The following ANAPC5 variants were observed in gnomAD, a reference collection of about 807,000 sequenced individuals.
ANAPC5 encodes the protein anaphase-promoting complex subunit 5.
A neutral mutation model predicts 91.3 loss-of-function variants in ANAPC5; 60 were observed. The observed-to-expected ratio is 0.66, with a 90% confidence interval of 0.53 to 0.81. The LOEUF (loss-of-function observed/expected upper bound fraction) is 0.81. Among genes scored for constraint, ANAPC5 ranks in the 40% least tolerant of loss-of-function variants. ANAPC5 has a pLI of 0.00. For synonymous variants in ANAPC5, 340 were observed against 364.1 expected, an observed-to-expected ratio of 0.93 and a Z score of 0.75; for missense variants, 690 against 931.5, an observed-to-expected ratio of 0.74 and a Z score of 3.37.
chr12:121,308,322 A>C lies in ANAPC5; in HGVS notation c.*158T>G, dbSNP rs569124210. ...AAAGGGAAGAAAAGGGGAATAAAAC[A>C]AATACGTAGTTACTAGCAACAAAAT... On this transcript the variant is annotated 3_prime_UTR_variant, in exon 17 of 17. Transcript: ENST00000261819. 6 of 626,034 alleles carry C rather than the reference A, an allele frequency of 9.6e-6. No individual in the cohort carries two copies. In the South Asian group the frequency reaches 1.3e-4, roughly 13 times the overall value. 38.8% of individuals were successfully genotyped at this position (626,034 alleles called of 1,614,324 possible).
chr12:121,347,833 A>G lies in ANAPC5; in HGVS notation c.256T>C (p.Cys86Arg). The change falls in exon 2 of 17, where the codon TGT becomes CGT. Residue 86 changes from cysteine (C) to arginine (R), a missense_variant. By Grantham distance (180) the Cys-to-Arg change is radical. This residue lies in a region of ANAPC5 where 238 missense variants were observed against 264.9 expected (regional missense o/e 0.90). Transcript: ENST00000261819. ...TGCACTGAATTTGCCAGCTGTGGAC[A>G]AGACTCTTCAATTAACTTGTAAAGT... Reference protein sequence around the residue: ...SKLYKLIEESCPQLANSVQIR... With the variant: ...SKLYKLIEESRPQLANSVQIR... 2 of 1,613,882 alleles carry G rather than the reference A, an allele frequency of 1.2e-6. No homozygotes were observed. Among genetic ancestry groups the G allele is most frequent in the Non-Finnish European group, 1.7e-6 (2 of 1,179,794 alleles).
intron 11 of ANAPC5, among the ~76,000 whole-genome samples, chr12:121,325,650 T>C (rs1302341653): frequency 3.9e-5 from 6 of 152,070 alleles, no homozygotes; most frequent in African/African-American, 1.4e-4. Context: ...GCGGATCACC[T>C]GAGGCCAGGA....
chr12:121,317,356 C>T (rs914398093), intron 15 of ANAPC5, among the ~76,000 whole-genome samples: 3 of 151,208 alleles, frequency 2.0e-5, no homozygotes, highest in African/African-American at 7.3e-5. Context: ...CAGGGTCAAG[C>T]GATTCTCCTG....
intron 11 of ANAPC5, among the ~76,000 whole-genome samples, chr12:121,326,082 T>C (rs1358666972): frequency 6.6e-6 from 1 of 152,050 alleles, no homozygotes; most frequent in East Asian, 1.9e-4. Flanking sequence ...TTCCCAGACA[T>C]GGGAAGAAAC....
chr12:121,324,382 T>C (rs553702841), intron 11 of ANAPC5, among the ~76,000 whole-genome samples: 19 of 152,088 alleles, frequency 1.2e-4, no homozygotes, highest in Non-Finnish European at 2.6e-4. Flanking sequence ...AGCTACCTTC[T>C]AGTTGTGTAC....
chr12:121,330,469 C>A, intron 9 of ANAPC5, 114 bp downstream of exon 9: 1 of 788,754 alleles, frequency 1.3e-6, no homozygotes, highest in Non-Finnish European at 2.0e-6. Flanking sequence ...AAGAATAAAA[C>A]CACACTTTGA....
At chr12:121,335,498 TC>T in intron 7 of ANAPC5, 34 bp downstream of exon 7, 1 of 1,552,556 alleles carries the variant, frequency 6.4e-7, no homozygotes, top group Non-Finnish European at 8.7e-7. Flanking sequence ...ATCGGTTCCT[TC>T]AATTTGCGCA....
intron 15 of ANAPC5, among the ~76,000 whole-genome samples, chr12:121,315,439 TC>T (rs1373947222): frequency 6.6e-6 from 1 of 152,144 alleles, no homozygotes; most frequent in Non-Finnish European, 1.5e-5. Context: ...ACAAGCTAAT[TC>T]TAAAATCAAC....
rs1219743187 is a variant in ANAPC5 at position 121,335,660 on chromosome 12, G to T, written c.823C>A (p.Leu275Ile). 1 of 1,613,850 alleles carries T rather than the reference G, an allele frequency of 6.2e-7. No individual in the cohort carries two copies. The highest frequency in any genetic ancestry group is 8.5e-7 in the Non-Finnish European group (1 of 1,179,842). The stretch of plus-strand genomic sequence containing the variant: ...AGAATCAGACGATCAAAATAATGGA[G>T]GAGACTGTGTGTTGAACTGAAAACA... ...QDVFSSTHSL[L>I]HYFDRLILTG... Residue 275 changes from leucine to isoleucine, a missense_variant, in exon 7 of 17, where the codon CTC becomes ATC. This residue lies in a region of ANAPC5 where 83 missense variants were observed against 150.8 expected (regional missense o/e 0.55). Coordinates refer to ENST00000261819, the MANE Select transcript of ANAPC5 (RefSeq NM_016237.5).
chr12:121,327,568 C>T (rs1479951294), intron 10 of ANAPC5: 2 of 277,400 alleles, frequency 7.2e-6, no homozygotes, highest in African/African-American at 4.6e-5. Context: ...CATCCTGGCA[C>T]AGACTGCTCT....
chr12:121,341,666 ACTG>A (rs1292714546), intron 5 of ANAPC5, among the ~76,000 whole-genome samples: 19 of 152,372 alleles, frequency 1.2e-4, no homozygotes, highest in African/African-American at 3.8e-4. Context: ...ATTACCATAC[ACTG>A]CTTTTCAGGC....
At chr12:121,319,185 A>ATG (rs996107357) in intron 13 of ANAPC5, among the ~76,000 whole-genome samples, 1 of 152,018 alleles carries the variant, frequency 6.6e-6, no homozygotes, top group Non-Finnish European at 1.5e-5. Flanking sequence ...CAGCATGTTA[A>ATG]TGATTATCTC....
In ANAPC5 at chr12:121,335,595, A is replaced by G. The variant is rs1555273366; in HGVS notation, c.888T>C (p.Tyr296=). The G allele has an allele frequency of 1.2e-6, 2 of 1,613,996 alleles. No homozygotes were observed. Among genetic ancestry groups the G allele is most frequent in the African/African-American group, 1.3e-5 (1 of 75,068 alleles). Residue 296 remains tyrosine, a synonymous_variant, in exon 7 of 17, where the codon TAT becomes TAC. Transcript: ENST00000261819. ...AESKSNGEEG[Y]GRSLRYAALN... ...GAGCGGCGTATCTCAAGCTCCGGCC[A>G]TAGCCCTCTTCCCCATTACTTTTGC...
At chr12:121,313,542 T>A (rs1416012347) in intron 15 of ANAPC5, among the ~76,000 whole-genome samples, 1 of 152,114 alleles carries the variant, frequency 6.6e-6, no homozygotes, top group Non-Finnish European at 1.5e-5. Flanking sequence ...AAGACTCAAA[T>A]AACCGAAGTC....
chr12:121,315,242 GA>G (rs1220712736), intron 15 of ANAPC5, among the ~76,000 whole-genome samples: 8 of 152,096 alleles, frequency 5.3e-5, no homozygotes, highest in Non-Finnish European at 1.2e-4. Flanking sequence ...CCAAAGAAGT[GA>G]AAGATTTATA....
chr12:121,330,469 C>T (rs1555272765), intron 9 of ANAPC5, 114 bp downstream of exon 9: 24 of 788,756 alleles, frequency 3.0e-5, no homozygotes, highest in Non-Finnish European at 4.9e-5. Flanking sequence ...AAGAATAAAA[C>T]CACACTTTGA....
At chr12:121,333,901 T>C (rs1299210298) in intron 7 of ANAPC5, 1 of 152,192 alleles carries the variant, frequency 6.6e-6, no homozygotes, top group Non-Finnish European at 1.5e-5. Context: ...ACATTACTTA[T>C]ATGATATGGC....
intron 8 of ANAPC5, 154 bp from the exon 9 acceptor site, chr12:121,330,826 G>A (rs1903015030): frequency 2.2e-5 from 13 of 592,586 alleles, no homozygotes; most frequent in Admixed American, 3.1e-5. Flanking sequence ...AATGAGACCT[G>A]TCAAACATAT....
At chr12:121,337,535 G>C in intron 5 of ANAPC5, 143 bp from the exon 6 acceptor site, 2 of 589,174 alleles carry the variant, frequency 3.4e-6, no homozygotes, top group Admixed American at 6.1e-5. Context: ...GCCTTGGCTG[G>C]CCTTCCCTCA....
Sources: gnomAD v4.1 joint callset for allele counts (sites outside exome capture counted in the v4.1 genomes callset) on GRCh38, gnomAD v4.1.1 for gene constraint, gnomAD v4.1.1 regional missense constraint, MANE v1.5 for transcripts, NCBI Gene and HGNC (gene_info 2026-07-23, HGNC 2026-07-21) for gene names.